The following KIF26B variants were observed in gnomAD, a reference collection of about 807,000 sequenced individuals.
The protein encoded by KIF26B is kinesin family member 26B.
Under a neutral mutation model 151.2 loss-of-function variants are expected in KIF26B, and 63 were observed. That is an observed-to-expected ratio of 0.42 (90% CI 0.34 to 0.51). The LOEUF is 0.51. KIF26B is among the 20% of genes least tolerant of loss of function. The pLI is 0.07. For synonymous variants in KIF26B, 1,357 were observed against 1,262.1 expected (o/e 1.08, Z -1.59); for missense variants, 2,813 against 2,913.6 (o/e 0.97, Z 0.79).
At chr1:245,359,652 T>TTCCTTCCC in intron 2 of KIF26B, among the ~76,000 whole-genome samples, 1 of 151,730 alleles carries the variant, frequency 6.6e-6, no homozygotes, top group Middle Eastern at 3.4e-3. Flanking sequence ...CCTTCCTTCA[T>TTCCTTCCC]TCCTTCCCTC....
At chr1:245,583,027 C>T (rs1390284454) in intron 5 of KIF26B, among the ~76,000 whole-genome samples, 1 of 152,158 alleles carries the variant, frequency 6.6e-6, no homozygotes, top group African/African-American at 2.4e-5. Context: ...CGTAACCACC[C>T]CCTACTCACC....
chr1:245,634,329 TGCCTTATTGTACTG>T (rs1302261755), intron 9 of KIF26B, among the ~76,000 whole-genome samples: 1 of 152,244 alleles, frequency 6.6e-6, no homozygotes, highest in Non-Finnish European at 1.5e-5. Flanking sequence ...TTATTGTACT[TGCCTTATTGTACTG>T]GCCAGGACTT....
Position 245,347,670 on chromosome 1 carries a change from ACT to A in KIF26B, c.466-19159_466-19158del, listed in dbSNP as rs574201487. Among the ~76,000 whole-genome samples, 337 of 151,882 alleles carry A rather than the reference ACT, an allele frequency of 2.2e-3. 1 individual carries two copies. Among genetic ancestry groups the A allele is most frequent in the African/African-American group, 7.7e-3 (318 of 41,376 alleles). On this transcript the variant is annotated intron_variant, in intron 2 of 14. Coordinates refer to ENST00000407071, the MANE Select transcript of KIF26B (RefSeq NM_018012.4). ...ATTTATTTTTAAAATGCGTGTTTAT[ACT>A]CTCTGTTTCCAGTTTCTCATCTCTA...
rs564034144 is a variant in KIF26B, at chr1:245,513,932, T to A, written c.1167-26835T>A. On this transcript the variant is annotated intron_variant, in intron 4 of 14. Coordinates refer to ENST00000407071, the MANE Select transcript of KIF26B (RefSeq NM_018012.4). ...CTGCAGAGAACTCTCAAGCTCCTGG[T>A]GAGTTTTGCTGCAAAGCCTGTGGCA... is the stretch of plus-strand genomic sequence containing the variant. Among the ~76,000 whole-genome samples, 6 of 152,298 alleles carry A rather than the reference T, an allele frequency of 3.9e-5. No individual in the cohort carries two copies. In the South Asian group the frequency reaches 1.2e-3, roughly 32 times the overall value.
At chr1:245,668,604 T>C (rs2044245317) in intron 10 of KIF26B, among the ~76,000 whole-genome samples, 1 of 152,346 alleles carries the variant, frequency 6.6e-6, no homozygotes, top group Non-Finnish European at 1.5e-5. Flanking sequence ...CTATGCACTG[T>C]TCTTTGTGCC....
At chr1:245,474,877 C>T (rs976667404) in intron 4 of KIF26B, among the ~76,000 whole-genome samples, 22 of 151,784 alleles carry the variant, frequency 1.4e-4, no homozygotes, top group African/African-American at 4.3e-4. Flanking sequence ...TGAGTGAGAA[C>T]GTGTGATATT....
At chr1:245,376,030 T>C (rs1359277236) in intron 3 of KIF26B, among the ~76,000 whole-genome samples, 1 of 152,180 alleles carries the variant, frequency 6.6e-6, no homozygotes, top group African/African-American at 2.4e-5. Flanking sequence ...GTCATTACAA[T>C]TATGTAAGTC....
At chr1:245,497,902 C>T (rs1660544640) in intron 4 of KIF26B, among the ~76,000 whole-genome samples, 1 of 152,190 alleles carries the variant, frequency 6.6e-6, no homozygotes, top group African/African-American at 2.4e-5. Context: ...TGCCACCACA[C>T]CCAGCTAATT....
chr1:245,579,558 C>G (rs912617224), intron 5 of KIF26B, among the ~76,000 whole-genome samples: 1 of 152,114 alleles, frequency 6.6e-6, no homozygotes, highest in Non-Finnish European at 1.5e-5. Flanking sequence ...GCCTGTAATC[C>G]CAGCACTTTG....
At chr1:245,217,919 T>C (rs991355782) in intron 2 of KIF26B, among the ~76,000 whole-genome samples, 18 of 152,160 alleles carry the variant, frequency 1.2e-4, no homozygotes, top group African/African-American at 4.3e-4. Flanking sequence ...GTCACCCGAA[T>C]TTTACAAAAG....
intron 2 of KIF26B, among the ~76,000 whole-genome samples, chr1:245,280,471 C>T (rs954155385): frequency 2.9e-5 from 4 of 138,602 alleles, no homozygotes; most frequent in Non-Finnish European, 4.5e-5. Context: ...ACAGAGCTTG[C>T]AGTAAGCCGA....
intron 2 of KIF26B, among the ~76,000 whole-genome samples, chr1:245,276,342 A>T (rs1670938235): frequency 6.6e-6 from 1 of 152,050 alleles, no homozygotes; most frequent in East Asian, 1.9e-4. Flanking sequence ...AAAAAAAAAA[A>T]ATTCTCCCTG....
rs1055394267 is a variant in KIF26B, at chr1:245,480,282, A to G, written c.1167-60485A>G. The stretch of plus-strand genomic sequence containing the variant: ...CAACAAAGACCCTGTCTCGGGGGGG[A>G]GGAAAGAAAAAAAACTGCCGAACTA... On this transcript the variant is annotated intron_variant, in intron 4 of 14. Transcript: ENST00000407071. Among the ~76,000 whole-genome samples, 7 of 144,372 alleles carry G rather than the reference A, an allele frequency of 4.8e-5. No individual in the cohort carries two copies. The East Asian group carries it at 1.0e-3, about 21-fold the overall frequency. The allele number at this position is 144,372 out of a possible 152,430, so 94.7% of individuals were successfully genotyped here. A position where few individuals can be genotyped will look rare whatever the true frequency, so the allele number is the denominator to read the frequency against.
At chr1:245,469,168 C>T (rs570198944) in intron 4 of KIF26B, among the ~76,000 whole-genome samples, 59 of 152,320 alleles carry the variant, frequency 3.9e-4, no homozygotes, top group Admixed American at 1.0e-3. Context: ...CAGAGTCTCA[C>T]GTACAAACAT....
At chr1:245,551,639 G>A (rs1471563916) in intron 5 of KIF26B, among the ~76,000 whole-genome samples, 1 of 152,184 alleles carries the variant, frequency 6.6e-6, no homozygotes, top group Non-Finnish European at 1.5e-5. Context: ...CACGCCACGC[G>A]ACCCTGCAGT....
intron 2 of KIF26B, chr1:245,216,144 T>C (rs1285322095): frequency 1.3e-5 from 2 of 152,036 alleles, no homozygotes; most frequent in Admixed American, 6.6e-5. Context: ...TTACCTGTTA[T>C]TTCTTTAAGA....
At chr1:245,607,891 C>T (rs538094328) in intron 7 of KIF26B, 147 bp downstream of exon 7, 88 of 628,820 alleles carry the variant, frequency 1.4e-4, no homozygotes, top group Non-Finnish European at 1.6e-4. Flanking sequence ...ACAAGTTATA[C>T]GACGAAAACC....
rs199616708 is a variant in KIF26B at position 245,367,069 on chromosome 1, G to A, written c.701G>A (p.Arg234Gln). The change falls in exon 3 of 15, where the codon CGG becomes CAG. Residue 234 changes from arginine (R) to glutamine (Q), a missense_variant. By Grantham distance (43) the Arg-to-Gln change is conservative. Transcript: ENST00000407071. This position sits in a 1 kb window ranked among gnomAD's most constrained non-coding sequence, Gnocchi z 4.2. ...AACATCCCCACCCTGGTGGGGTCCC[G>A]GCACGTGGGTGGGCTCCAGCAGCCC... The part of the protein sequence containing the change: ...LSNIPTLVGS[R>Q]HVGGLQQPRD... 161 of 1,602,904 alleles carry A rather than the reference G, an allele frequency of 1.0e-4. No individual in the cohort carries two copies. In the East Asian group the frequency reaches 1.5e-3, roughly 15 times the overall value.
In KIF26B at chr1:245,333,260, C is replaced by T. The variant is rs577661531; in HGVS notation, c.466-33574C>T. Among the ~76,000 whole-genome samples the T allele has an allele frequency of 3.9e-5, 6 of 152,204 alleles. No individual in the cohort carries two copies. The East Asian group carries it at 5.8e-4, about 15-fold the overall frequency. On this transcript the variant is annotated intron_variant, in intron 2 of 14. Coordinates refer to ENST00000407071, the MANE Select transcript of KIF26B (RefSeq NM_018012.4). ...ACATACAATAGAATGTTGTTTCAGCCGTAAAAAGGAATGAAATTCGGACAC... is the reference window on the plus strand; with the variant it reads ...ACATACAATAGAATGTTGTTTCAGCTGTAAAAAGGAATGAAATTCGGACAC...
Sources: gnomAD v4.1 joint callset for allele counts (sites outside exome capture counted in the v4.1 genomes callset) on GRCh38, gnomAD v4.1.1 for gene constraint, Gnocchi (gnomAD v3.1) non-coding constraint, MANE v1.5 for transcripts, NCBI Gene and HGNC (gene_info 2026-07-23, HGNC 2026-07-21) for gene names.